The following MOB3B variants were observed in gnomAD, a reference collection of about 807,000 sequenced individuals.
MOB3B encodes the protein MOB kinase activator 3B, also known as MOB kinase activator-like 2B.
A neutral mutation model predicts 18.7 loss-of-function variants in MOB3B; 7 were observed. That is an observed-to-expected ratio of 0.37 (90% CI 0.21 to 0.70). The LOEUF (loss-of-function observed/expected upper bound fraction) is 0.70, where lower values mean the gene tolerates loss of function less well. Ranked by LOEUF, MOB3B falls within the 30% of genes least tolerant of loss-of-function variation. The pLI is 0.52. For missense variants in MOB3B, 253 were observed against 281.3 expected (o/e 0.90, Z 0.72); for synonymous variants, 111 against 99.9 (o/e 1.11, Z -0.66).
rs1822039137 is a variant in MOB3B at position 27,409,940 on chromosome 9, G to C, written c.418+45193C>G. ...GCTGAGAGGGAGGGGTGGGGATGAA[G>C]AGTCATTATTTAATGTATGCAGAGT... On this transcript the variant is annotated intron_variant, in intron 2 of 3. Coordinates refer to ENST00000262244, the MANE Select transcript of MOB3B (RefSeq NM_024761.5). 2.0e-5 allele frequency among the ~76,000 whole-genome samples: 3 copies of C among 152,090 alleles called. No individual in the cohort carries two copies. The South Asian group carries it at 6.2e-4, about 32-fold the overall frequency.
chr9:27,413,009 T>C (rs138773912), intron 2 of MOB3B, among the ~76,000 whole-genome samples: 1 of 152,370 alleles, frequency 6.6e-6, no homozygotes, highest in Non-Finnish European at 1.5e-5. Context: ...TTTAGCCATC[T>C]ACAGGACCAG....
At chr9:27,447,759 CA>C (rs1328665017) in intron 2 of MOB3B, among the ~76,000 whole-genome samples, 17 of 152,300 alleles carry the variant, frequency 1.1e-4, no homozygotes. Context: ...CAAGTCATTG[CA>C]GTATTGGGTT....
chr9:27,496,669 C>G (rs1161519955), intron 1 of MOB3B, among the ~76,000 whole-genome samples: 3 of 152,162 alleles, frequency 2.0e-5, no homozygotes, highest in African/African-American at 7.2e-5. Context: ...AAATTTAGCT[C>G]TGGTTTAATC....
intron 2 of MOB3B, among the ~76,000 whole-genome samples, chr9:27,403,403 A>C (rs908500899): frequency 6.6e-6 from 1 of 152,156 alleles, no homozygotes; most frequent in Non-Finnish European, 1.5e-5. Flanking sequence ...AACCACAAAT[A>C]TGCACATATA....
chr9:27,446,070 C>G (rs1822686521), intron 2 of MOB3B, among the ~76,000 whole-genome samples: 1 of 152,146 alleles, frequency 6.6e-6, no homozygotes, highest in African/African-American at 2.4e-5. Context: ...ATGTTTTAAT[C>G]ACAAAAGGCC....
intron 2 of MOB3B, among the ~76,000 whole-genome samples, chr9:27,404,378 A>G (rs1197386604): frequency 2.7e-5 from 2 of 74,004 alleles, no homozygotes; most frequent in South Asian, 4.0e-4. Flanking sequence ...TTTTTTTGAG[A>G]CAGAGTCTCG....
At chr9:27,501,542 C>G (rs1819991129) in intron 1 of MOB3B, among the ~76,000 whole-genome samples, 1 of 149,076 alleles carries the variant, frequency 6.7e-6, no homozygotes, top group African/African-American at 2.5e-5. Context: ...TAGATGGGAA[C>G]TGAACAATGA....
chr9:27,345,818 A>G (rs1821024884), intron 3 of MOB3B, among the ~76,000 whole-genome samples: 1 of 152,214 alleles, frequency 6.6e-6, no homozygotes, highest in Admixed American at 6.5e-5. Context: ...GTCCCACAGC[A>G]CACACTGCTG....
At chr9:27,459,100 A>G (rs1003378385) in intron 1 of MOB3B, among the ~76,000 whole-genome samples, 8 of 151,898 alleles carry the variant, frequency 5.3e-5, no homozygotes, top group African/African-American at 1.9e-4. Context: ...AGAGGCACCC[A>G]TCTGTGTCTT....
chr9:27,352,110 C>T (rs1405886466), intron 3 of MOB3B, among the ~76,000 whole-genome samples: 2 of 152,014 alleles, frequency 1.3e-5, no homozygotes, highest in African/African-American at 4.8e-5. Flanking sequence ...ACAAGTCTGG[C>T]CAGGTACCAT....
At chr9:27,509,907 T>A (rs1820118450) in intron 1 of MOB3B, among the ~76,000 whole-genome samples, 1 of 152,160 alleles carries the variant, frequency 6.6e-6, no homozygotes, top group Non-Finnish European at 1.5e-5. Context: ...GTATTTTTAG[T>A]AGAGATGGGG....
At chr9:27,445,471 C>T (rs1822675278) in intron 2 of MOB3B, among the ~76,000 whole-genome samples, 1 of 152,158 alleles carries the variant, frequency 6.6e-6, no homozygotes, top group African/African-American at 2.4e-5. Flanking sequence ...GCCTTGACAG[C>T]TACTGCCCAC....
intron 2 of MOB3B, among the ~76,000 whole-genome samples, chr9:27,420,792 G>A (rs1327207223): frequency 6.6e-6 from 1 of 151,006 alleles, no homozygotes; most frequent in Admixed American, 6.6e-5. Context: ...GGGACCTGGG[G>A]GGAAGAGTGG....
chr9:27,514,325 G>A (rs2440619), intron 1 of MOB3B, among the ~76,000 whole-genome samples: 36,139 of 120,694 alleles, frequency 0.3, 4,780 homozygotes, highest in Middle Eastern at 0.42. Flanking sequence ...TCAACTCAAC[G>A]CAGAATAAGA....
intron 2 of MOB3B, among the ~76,000 whole-genome samples, chr9:27,367,444 A>T (rs557080119): frequency 6.6e-6 from 1 of 152,346 alleles, no homozygotes; most frequent in East Asian, 1.9e-4. Flanking sequence ...CTGGGGGTTT[A>T]GGACACTGGT....
chr9:27,455,953 T>C (rs955739666), intron 1 of MOB3B, among the ~76,000 whole-genome samples: 8 of 152,214 alleles, frequency 5.3e-5, no homozygotes, highest in Non-Finnish European at 4.4e-5. Flanking sequence ...GGCATCACAC[T>C]TGTTTTGTTC....
rs1480374469 is a variant in MOB3B, at chr9:27,529,665, A to G, written c.-309T>C. 1.0e-6 allele frequency: 1 copy of G among 985,378 alleles called. No individual in the cohort carries two copies. Among genetic ancestry groups the G allele is most frequent in the Non-Finnish European group, 1.2e-6 (1 of 829,898 alleles). 61.0% of individuals were successfully genotyped at this position (985,378 alleles called of 1,614,324 possible). A position where few individuals can be genotyped will look rare whatever the true frequency, so the allele number is the denominator to read the frequency against. ...GGGGCAGGTGGGGCGTCGCTTGCCA[A>G]TCCACGCAAGGGACTCTGCCGCCGG... On this transcript the variant is annotated 5_prime_UTR_variant, in exon 1 of 4. Transcript: ENST00000262244.
At chr9:27,525,948 C>G (rs926942443) in intron 1 of MOB3B, 1 of 152,350 alleles carries the variant, frequency 6.6e-6, no homozygotes, top group South Asian at 2.1e-4. Context: ...TATATTAATT[C>G]ACCACCTAGC....
At chr9:27,375,643 C>A (rs1197362158) in intron 2 of MOB3B, among the ~76,000 whole-genome samples, 1 of 152,118 alleles carries the variant, frequency 6.6e-6, no homozygotes. Context: ...AAGCCCCACA[C>A]TCACCCCATG....
Sources: allele counts gnomAD v4.1 joint callset (sites outside exome capture counted in the v4.1 genomes callset), GRCh38; gene constraint gnomAD v4.1.1; transcripts MANE v1.5; gene names NCBI Gene and HGNC (gene_info 2026-07-23, HGNC 2026-07-21).